Variants in CNTN5 observed in about 807,000 individuals in gnomAD.
CNTN5 encodes contactin-5.
CNTN5 carries 77 observed loss-of-function variants against 129.1 expected under a neutral mutation model. The ratio of observed to expected loss-of-function variants is 0.60; its 90% CI spans 0.50 to 0.72. The LOEUF is 0.72. CNTN5 is among the 30% of genes least tolerant of loss of function. The probability of loss-of-function intolerance (pLI) is 0.00; values close to 1 mark genes in which losing one functional copy is unlikely to be tolerated. For missense variants in CNTN5, 1,478 were observed against 1,328.8 expected (o/e 1.11, Z -1.75); for synonymous variants, 509 against 465.6 (o/e 1.09, Z -1.20).
At chr11:99,845,775 G>C (rs1591301127) in intron 6 of CNTN5, among the ~76,000 whole-genome samples, 2 of 151,738 alleles carry the variant, frequency 1.3e-5, no homozygotes, top group African/African-American at 4.8e-5. Context: ...AGTAGATAAA[G>C]TTTTAGAATT....
At chr11:99,637,416 A>C (rs1173127484) in intron 3 of CNTN5, among the ~76,000 whole-genome samples, 3 of 152,220 alleles carry the variant, frequency 2.0e-5, no homozygotes, top group Non-Finnish European at 4.4e-5. Flanking sequence ...AAACATAAGC[A>C]AACACATCAC....
intron 1 of CNTN5, among the ~76,000 whole-genome samples, chr11:99,245,800 A>G (rs1439286997): frequency 6.6e-6 from 1 of 152,096 alleles, no homozygotes; most frequent in Non-Finnish European, 1.5e-5. Flanking sequence ...GTTGTAGGGG[A>G]TGTACGGGAC....
intron 8 of CNTN5, among the ~76,000 whole-genome samples, chr11:99,974,964 T>C (rs1408701543): frequency 2.0e-5 from 3 of 152,256 alleles, no homozygotes; most frequent in African/African-American, 4.8e-5. Context: ...TATTTTACTG[T>C]CATCCTAACA....
At chr11:99,216,587 T>C (rs1860130817) in intron 1 of CNTN5, among the ~76,000 whole-genome samples, 2 of 151,838 alleles carry the variant, frequency 1.3e-5, no homozygotes, top group South Asian at 4.2e-4. Flanking sequence ...CTGGATAATA[T>C]CTTTAACTAG....
rs577178058 is a variant in CNTN5 at position 99,885,079 on chromosome 11, T to C, written c.578-30975T>C. On this transcript the variant is annotated intron_variant, in intron 6 of 24. Transcript: ENST00000524871. ...GAGTGTATCACCTTAGCCCAGGAGT[T>C]TGAGACCAGCCTGTGCAACATGGCA... Among the ~76,000 whole-genome samples the C allele has an allele frequency of 1.8e-4, 27 of 152,184 alleles. No individual in the cohort carries two copies. In the South Asian group the frequency reaches 5.4e-3, roughly 30 times the overall value.
At chr11:100,169,104 G>A (rs1332135109) in intron 13 of CNTN5, among the ~76,000 whole-genome samples, 3 of 151,952 alleles carry the variant, frequency 2.0e-5, no homozygotes, top group African/African-American at 7.2e-5. Context: ...AATAAAGAAA[G>A]TGGTTTCTTG....
At chr11:99,508,638 T>C (rs1946716417) in intron 2 of CNTN5, among the ~76,000 whole-genome samples, 1 of 152,100 alleles carries the variant, frequency 6.6e-6, no homozygotes, top group Non-Finnish European at 1.5e-5. Flanking sequence ...TTATATCAAC[T>C]GAAGTGACTC....
intron 20 of CNTN5, among the ~76,000 whole-genome samples, chr11:100,300,976 A>C (rs1183004008): frequency 6.6e-6 from 1 of 151,620 alleles, no homozygotes; most frequent in East Asian, 1.9e-4. Flanking sequence ...CACACCAGTA[A>C]GTGACAGTTA....
At chr11:99,567,862 G>A (rs946774060) in intron 3 of CNTN5, among the ~76,000 whole-genome samples, 5 of 151,924 alleles carry the variant, frequency 3.3e-5, no homozygotes, top group African/African-American at 9.7e-5. Flanking sequence ...GTCAGTGGGC[G>A]GTGGGAACTG....
intron 4 of CNTN5, among the ~76,000 whole-genome samples, chr11:99,824,612 A>G (rs1245635373): frequency 6.6e-6 from 1 of 151,876 alleles, no homozygotes; most frequent in Non-Finnish European, 1.5e-5. Context: ...AGATATAGCA[A>G]TATTTTCCTT....
chr11:100,033,732 T>C (rs1025610770), intron 9 of CNTN5, among the ~76,000 whole-genome samples: 2 of 152,206 alleles, frequency 1.3e-5, no homozygotes, highest in Admixed American at 6.5e-5. Context: ...CTCACTATAA[T>C]TGTATTTTCC....
chr11:99,521,116 G>T (rs1947259839), intron 2 of CNTN5, among the ~76,000 whole-genome samples: 1 of 152,108 alleles, frequency 6.6e-6, no homozygotes, highest in Non-Finnish European at 1.5e-5. Context: ...ACTATGGGAT[G>T]CTGAATCCTT....
At chr11:99,237,820 T>C (rs1861357128) in intron 1 of CNTN5, among the ~76,000 whole-genome samples, 1 of 152,242 alleles carries the variant, frequency 6.6e-6, no homozygotes, top group Non-Finnish European at 1.5e-5. Flanking sequence ...CCAATTTTTA[T>C]AAGCAAAAAT....
intron 1 of CNTN5, among the ~76,000 whole-genome samples, chr11:99,254,408 T>A (rs1053586693): frequency 6.6e-6 from 1 of 151,888 alleles, no homozygotes; most frequent in African/African-American, 2.4e-5. Flanking sequence ...TGAGAATTAT[T>A]TGTTATGAGA....
At chr11:100,055,155 G>A (rs571983386) in intron 9 of CNTN5, among the ~76,000 whole-genome samples, 2 of 150,846 alleles carry the variant, frequency 1.3e-5, no homozygotes, top group Admixed American at 6.6e-5. Context: ...AATTATACTC[G>A]TCTTTTCTAC....
At chr11:100,168,413 T>C (rs1947713930) in intron 13 of CNTN5, among the ~76,000 whole-genome samples, 1 of 151,982 alleles carries the variant, frequency 6.6e-6, no homozygotes, top group African/African-American at 2.4e-5. Flanking sequence ...TTGAAGCCAA[T>C]ATTCATTTAA....
chr11:99,461,818 C>CA (rs1030209474), intron 2 of CNTN5, among the ~76,000 whole-genome samples: 1 of 151,834 alleles, frequency 6.6e-6, no homozygotes, highest in Non-Finnish European at 1.5e-5. Flanking sequence ...AAATGTGCAA[C>CA]TTTTTTTTAA....
intron 3 of CNTN5, among the ~76,000 whole-genome samples, chr11:99,649,111 C>T (rs1442648990): frequency 6.6e-6 from 1 of 151,686 alleles, no homozygotes; most frequent in African/African-American, 2.4e-5. Flanking sequence ...GCTAGTTGTG[C>T]TAATTACTAT....
chr11:99,166,138 T>C (rs1335600115), intron 1 of CNTN5, among the ~76,000 whole-genome samples: 1 of 152,160 alleles, frequency 6.6e-6, no homozygotes. Context: ...GCACGATGGC[T>C]CACGCCTGTA....
Sources: gnomAD v4.1 joint callset for allele counts (sites outside exome capture counted in the v4.1 genomes callset) on GRCh38, gnomAD v4.1.1 for gene constraint, MANE v1.5 for transcripts, NCBI Gene and HGNC (gene_info 2026-07-23, HGNC 2026-07-21) for gene names.